Variants in ALK observed in about 807,000 individuals in gnomAD.
ALK encodes ALK tyrosine kinase receptor.
In ALK, 74 loss-of-function variants were observed where a neutral mutation model predicts 163.1. The observed-to-expected ratio is 0.45, with a 90% CI of 0.38 to 0.55. ALK has a LOEUF of 0.55. Among genes scored for constraint, ALK ranks in the 20% least tolerant of loss-of-function variants. The probability of loss-of-function intolerance (pLI) is 0.00; values close to 1 mark genes in which losing one functional copy is unlikely to be tolerated. For synonymous variants in ALK, 960 were observed against 843.2 expected (o/e 1.14, Z -2.40); for missense variants, 2,063 against 2,105.3 (o/e 0.98, Z 0.39).
At chr2:29,895,607 T>C (rs979888280) in intron 1 of ALK, among the ~76,000 whole-genome samples, 3 of 152,234 alleles carry the variant, frequency 2.0e-5, no homozygotes, top group Admixed American at 2.0e-4. Flanking sequence ...TTCATGGTCT[T>C]TTAAATGAGT....
intron 14 of ALK, among the ~76,000 whole-genome samples, chr2:29,232,704 G>T (rs1664250561): frequency 6.6e-6 from 1 of 152,218 alleles, no homozygotes; most frequent in African/African-American, 2.4e-5. Context: ...GATACCAGGA[G>T]GTGGGGGTTG....
intron 4 of ALK, among the ~76,000 whole-genome samples, chr2:29,422,929 T>TTC (rs1670052232): frequency 6.7e-6 from 1 of 148,994 alleles, no homozygotes; most frequent in Non-Finnish European, 1.5e-5. Context: ...TTTTTTTTTT[T>TTC]CCCAGCATCA....
At chr2:29,278,981 G>A (rs1665616290) in intron 9 of ALK, among the ~76,000 whole-genome samples, 1 of 24,296 alleles carries the variant, frequency 4.1e-5, no homozygotes, top group Admixed American at 6.7e-4. Flanking sequence ...TGTGTGCCTG[G>A]GGGGGGGGAC....
intron 3 of ALK, among the ~76,000 whole-genome samples, chr2:29,589,096 C>T (rs1366198680): frequency 1.3e-5 from 2 of 152,086 alleles, no homozygotes; most frequent in Admixed American, 6.6e-5. Flanking sequence ...ATCTCTGCAG[C>T]GTTCAACCAC....
At chr2:29,902,269 T>C (rs527759579) in intron 1 of ALK, among the ~76,000 whole-genome samples, 25 of 152,344 alleles carry the variant, frequency 1.6e-4, no homozygotes, top group African/African-American at 5.8e-4. Flanking sequence ...TGACCCATTA[T>C]TATTCTAATC....
intron 1 of ALK, among the ~76,000 whole-genome samples, chr2:29,887,754 G>T (rs1409286036): frequency 6.6e-6 from 1 of 152,168 alleles, no homozygotes; most frequent in Non-Finnish European, 1.5e-5. Flanking sequence ...CCATTATGTT[G>T]TATCTTCCAT....
intron 25 of ALK, 118 bp downstream of exon 25, chr2:29,209,668 T>C: frequency 1.4e-6 from 1 of 737,866 alleles, no homozygotes; most frequent in Non-Finnish European, 2.3e-6. Context: ...AGTGAAATTT[T>C]AGGTAGAAAG....
chr2:29,194,348 G>C (rs182934477), intron 28 of ALK, among the ~76,000 whole-genome samples: 15 of 152,142 alleles, frequency 9.9e-5, no homozygotes, highest in Admixed American at 9.8e-4. Context: ...GGGGGGCTGG[G>C]GGGAGGAGGA....
chr2:29,780,239 G>C (rs941013209), intron 1 of ALK, among the ~76,000 whole-genome samples: 1 of 152,074 alleles, frequency 6.6e-6, no homozygotes, highest in Admixed American at 6.5e-5. Context: ...CTCATCTTCC[G>C]AGCACAGAGC....
At chr2:29,842,966 G>A (rs932325094) in intron 1 of ALK, among the ~76,000 whole-genome samples, 2 of 152,188 alleles carry the variant, frequency 1.3e-5, no homozygotes, top group African/African-American at 4.8e-5. Flanking sequence ...AAAGGACAGA[G>A]GAAATGAGAA....
At chr2:29,740,407 C>T (rs1240875061) in intron 1 of ALK, among the ~76,000 whole-genome samples, 1 of 151,042 alleles carries the variant, frequency 6.6e-6, no homozygotes, top group African/African-American at 2.5e-5. Flanking sequence ...GTTAGAAAGA[C>T]AGACATGAGG....
chr2:29,263,122 T>TACCA (rs1340090142), intron 11 of ALK, among the ~76,000 whole-genome samples: 1 of 152,118 alleles, frequency 6.6e-6, no homozygotes, highest in Non-Finnish European at 1.5e-5. Flanking sequence ...AAGTGGGAAG[T>TACCA]GGTTGGTGGT....
intron 1 of ALK, among the ~76,000 whole-genome samples, chr2:29,885,406 C>T (rs1666962444): frequency 6.6e-6 from 1 of 152,136 alleles, no homozygotes. Flanking sequence ...AAGGATTACA[C>T]CATTGAATAT....
chr2:29,251,101 G>T lies in ALK; in HGVS notation c.2204+4C>A, dbSNP rs201806531. 4 of 1,613,614 alleles carry T rather than the reference G, an allele frequency of 2.5e-6. No individual in the cohort carries two copies. Among genetic ancestry groups the T allele is most frequent in the Non-Finnish European group, 3.4e-6 (4 of 1,179,820 alleles). On this transcript the variant is annotated splice_donor_region_variant and intron_variant, in intron 12 of 28. Coordinates refer to ENST00000389048, the MANE Select transcript of ALK (RefSeq NM_004304.5). ...CCCCTCCCCTCCCCCTCTTCCATAC[G>T]CACCTGTAGGTGTCGGTGGCTGGCA...
intron 3 of ALK, among the ~76,000 whole-genome samples, chr2:29,579,635 GCCA>G (rs1674622813): frequency 6.6e-6 from 1 of 152,110 alleles, no homozygotes; most frequent in Non-Finnish European, 1.5e-5. Context: ...TCATATATGA[GCCA>G]TCCTGAGGCT....
chr2:29,646,462 G>A (rs769037742), intron 3 of ALK, among the ~76,000 whole-genome samples: 1 of 152,134 alleles, frequency 6.6e-6, no homozygotes, highest in East Asian at 1.9e-4. Flanking sequence ...ATTAGAACAT[G>A]TTTTCCCTTT....
intron 2 of ALK, among the ~76,000 whole-genome samples, chr2:29,705,536 C>A (rs1678883977): frequency 6.6e-6 from 1 of 151,714 alleles, no homozygotes; most frequent in Non-Finnish European, 1.5e-5. Context: ...TTTATATCAA[C>A]CTCTCAGGGG....
chr2:29,281,512 C>G (rs1318597113), intron 9 of ALK, among the ~76,000 whole-genome samples: 2 of 152,218 alleles, frequency 1.3e-5, no homozygotes, highest in African/African-American at 4.8e-5. Flanking sequence ...CTGCTCAGCT[C>G]TTTCTGTTTC....
chr2:29,560,732 T>C (rs1011992431), intron 3 of ALK, among the ~76,000 whole-genome samples: 5 of 152,022 alleles, frequency 3.3e-5, no homozygotes, highest in African/African-American at 1.2e-4. Context: ...CTACCATGCC[T>C]GGCTAATTTT....
Sources: gnomAD v4.1 joint callset for allele counts (sites outside exome capture counted in the v4.1 genomes callset) on GRCh38, gnomAD v4.1.1 for gene constraint, MANE v1.5 for transcripts, NCBI Gene and HGNC (gene_info 2026-07-23, HGNC 2026-07-21) for gene names.